PAPSS1: variants seen among roughly 807,000 people sequenced by gnomAD.
PAPSS1 encodes 3'-phosphoadenosine 5'-phosphosulfate synthase 1.
In PAPSS1, 50 loss-of-function variants were observed where a neutral mutation model predicts 72.0. That is an observed-to-expected ratio of 0.69 (90% CI 0.55 to 0.88). The LOEUF is 0.88. Among genes scored for constraint, PAPSS1 ranks in the 40% least tolerant of loss-of-function variants. The pLI is 0.00. For synonymous variants in PAPSS1, 261 were observed against 263.6 expected, an observed-to-expected ratio of 0.99 and a Z score of 0.09; for missense variants, 657 against 782.2, an observed-to-expected ratio of 0.84 and a Z score of 1.91.
At chr4:107,658,218 G>A (rs1727070742) in intron 6 of PAPSS1, among the ~76,000 whole-genome samples, 1 of 144,806 alleles carries the variant, frequency 6.9e-6, no homozygotes, top group Admixed American at 7.0e-5. Context: ...CAAAAAAAGT[G>A]ACCATAAAGT....
chr4:107,647,089 C>A (rs1278740352), intron 9 of PAPSS1, among the ~76,000 whole-genome samples: 2 of 152,220 alleles, frequency 1.3e-5, no homozygotes, highest in Non-Finnish European at 2.9e-5. Flanking sequence ...GCAAATGCAG[C>A]TGGAGACATG....
chr4:107,686,688 T>C (rs547954822), intron 4 of PAPSS1, among the ~76,000 whole-genome samples: 4 of 152,366 alleles, frequency 2.6e-5, no homozygotes, highest in Admixed American at 6.5e-5. Context: ...CCAATAGCTA[T>C]GGGATTTCCT....
At chr4:107,634,935 C>T (rs1484120148) in intron 10 of PAPSS1, among the ~76,000 whole-genome samples, 5 of 150,702 alleles carry the variant, frequency 3.3e-5, no homozygotes, top group Admixed American at 2.6e-4. Flanking sequence ...GTAGCTGGGA[C>T]TACAGGCGCC....
chr4:107,632,720 C>T (rs973812996), intron 10 of PAPSS1, among the ~76,000 whole-genome samples: 3 of 152,058 alleles, frequency 2.0e-5, no homozygotes, highest in East Asian at 1.9e-4. Flanking sequence ...GTGAAGCCCC[C>T]GAAAGGTTAA....
chr4:107,660,541 C>T (rs552705912), intron 5 of PAPSS1, among the ~76,000 whole-genome samples: 1 of 152,230 alleles, frequency 6.6e-6, no homozygotes, highest in African/African-American at 2.4e-5. Context: ...GCTTTACTTC[C>T]ACCACTGTGG....
intron 5 of PAPSS1, among the ~76,000 whole-genome samples, chr4:107,665,840 T>C (rs917012742): frequency 1.3e-5 from 2 of 152,210 alleles, no homozygotes; most frequent in Admixed American, 6.5e-5. Context: ...ACCTGGACAC[T>C]GGCAGGCAGG....
At chr4:107,695,259 G>C (rs1381132613) in intron 2 of PAPSS1, among the ~76,000 whole-genome samples, 1 of 152,156 alleles carries the variant, frequency 6.6e-6, no homozygotes, top group Non-Finnish European at 1.5e-5. Context: ...TAGCAATTGT[G>C]AATGGGAGTT....
At chr4:107,618,421 A>C (rs528535634) in intron 11 of PAPSS1, among the ~76,000 whole-genome samples, 1 of 151,366 alleles carries the variant, frequency 6.6e-6, no homozygotes, top group South Asian at 2.1e-4. Context: ...CAAGTTATAT[A>C]GGCAGGAGAA....
intron 2 of PAPSS1, 93 bp from the exon 3 acceptor site, chr4:107,694,099 C>G: frequency 1.1e-6 from 1 of 879,502 alleles, no homozygotes; most frequent in Non-Finnish European, 1.8e-6. Context: ...AAGAGTCTTG[C>G]TCTGCCACCC....
chr4:107,670,601 G>T (rs1727442805), intron 5 of PAPSS1, among the ~76,000 whole-genome samples: 1 of 152,132 alleles, frequency 6.6e-6, no homozygotes, highest in Non-Finnish European at 1.5e-5. Context: ...GGCAGTGGCA[G>T]AATCATAGCT....
At chr4:107,635,018 T>G (rs918843307) in intron 10 of PAPSS1, among the ~76,000 whole-genome samples, 4 of 152,100 alleles carry the variant, frequency 2.6e-5, no homozygotes, top group Admixed American at 6.5e-5. Flanking sequence ...CAGGATGGTC[T>G]CGATCTCCTG....
chr4:107,632,511 TAA>T (rs11455598), intron 10 of PAPSS1, among the ~76,000 whole-genome samples: 42 of 148,072 alleles, frequency 2.8e-4, no homozygotes, highest in Non-Finnish European at 4.6e-4. Flanking sequence ...TAATACTAGT[TAA>T]AAAAAAAAAG....
At position 107,633,840 on chromosome 4, in the gene PAPSS1, AC is replaced by A. The variant is rs1726287561; in HGVS notation, c.1507-1981del. On this transcript the variant is annotated intron_variant, in intron 10 of 11. Coordinates refer to ENST00000265174, the MANE Select transcript of PAPSS1 (RefSeq NM_005443.5). ...AGGCTGAGGCAGGAGAATGGCGTGAACCCGGGAGGCGGAGCTTGCAGTGAGC... is the reference window on the plus strand; with the variant it reads ...AGGCTGAGGCAGGAGAATGGCGTGAACCGGGAGGCGGAGCTTGCAGTGAGC... Among the ~76,000 whole-genome samples the A allele has an allele frequency of 2.0e-5, 3 of 149,472 alleles. No individual in the cohort carries two copies. In the East Asian group the frequency reaches 6.0e-4, roughly 30 times the overall value.
intron 10 of PAPSS1, among the ~76,000 whole-genome samples, chr4:107,635,207 A>C (rs1176163615): frequency 6.6e-6 from 1 of 152,186 alleles, no homozygotes; most frequent in Non-Finnish European, 1.5e-5. Context: ...GATAGACTTC[A>C]TCAATTTCCA....
chr4:107,633,041 T>C (rs80050760), intron 10 of PAPSS1, among the ~76,000 whole-genome samples: 199 of 152,330 alleles, frequency 1.3e-3, no homozygotes, highest in African/African-American at 4.5e-3. Flanking sequence ...GGGTTTCAAC[T>C]TTTTAAGTTG....
chr4:107,642,756 G>A (rs537872005), intron 10 of PAPSS1, among the ~76,000 whole-genome samples: 79 of 152,162 alleles, frequency 5.2e-4, no homozygotes, highest in Admixed American at 2.0e-4. Flanking sequence ...CAGAGTGCTT[G>A]GCTAAGTAAT....
intron 1 of PAPSS1, among the ~76,000 whole-genome samples, chr4:107,707,846 A>C (rs1423309933): frequency 6.6e-6 from 1 of 152,176 alleles, no homozygotes; most frequent in Non-Finnish European, 1.5e-5. Flanking sequence ...GCTGACCTCC[A>C]CCAATACACA....
intron 3 of PAPSS1, among the ~76,000 whole-genome samples, chr4:107,688,596 C>T (rs1334664433): frequency 2.0e-5 from 3 of 152,122 alleles, no homozygotes; most frequent in Non-Finnish European, 2.9e-5. Context: ...ATGTTATTCC[C>T]TGATCTTTCC....
chr4:107,712,730 G>T (rs1358545896), intron 1 of PAPSS1, among the ~76,000 whole-genome samples: 1 of 151,906 alleles, frequency 6.6e-6, no homozygotes, highest in South Asian at 2.1e-4. Flanking sequence ...AAAATTAGCT[G>T]GGCGTGGTGA....
Sources: gnomAD v4.1 joint callset for allele counts (sites outside exome capture counted in the v4.1 genomes callset) on GRCh38, gnomAD v4.1.1 for gene constraint, MANE v1.5 for transcripts, NCBI Gene and HGNC (gene_info 2026-07-23, HGNC 2026-07-21) for gene names.